Variants in FRMD4B observed in about 807,000 individuals in gnomAD.
The protein encoded by FRMD4B is FERM domain-containing protein 4B.
Under a neutral mutation model 141.5 loss-of-function variants are expected in FRMD4B, and 74 were observed. The observed-to-expected ratio is 0.52, with a 90% CI of 0.43 to 0.63. The LOEUF is 0.63. FRMD4B is among the 30% of genes least tolerant of loss of function. FRMD4B has a pLI of 0.00. For missense variants in FRMD4B, 1,366 were observed against 1,253.4 expected (o/e 1.09, Z -1.36); for synonymous variants, 506 against 467.9 (o/e 1.08, Z -1.05).
intron 1 of FRMD4B, among the ~76,000 whole-genome samples, chr3:69,461,623 C>CAAAAAAAAAAA (rs58143332): frequency 4.8e-4 from 21 of 43,438 alleles, no homozygotes; most frequent in East Asian, 9.0e-4. Flanking sequence ...GACTCTGTCT[C>CAAAAAAAAAAA]AAAAAAAAAA....
At chr3:69,475,842 T>C (rs562266902) in intron 1 of FRMD4B, among the ~76,000 whole-genome samples, 6 of 151,902 alleles carry the variant, frequency 3.9e-5, no homozygotes, top group African/African-American at 1.5e-4. Flanking sequence ...ACTGTTCCTA[T>C]TTCTCCACAT....
chr3:69,394,975 C>T (rs1308130540), intron 2 of FRMD4B, among the ~76,000 whole-genome samples: 1 of 152,002 alleles, frequency 6.6e-6, no homozygotes, highest in African/African-American at 2.4e-5. Context: ...ATGAGAACAC[C>T]TGGACACGGG....
intron 1 of FRMD4B, among the ~76,000 whole-genome samples, chr3:69,451,270 A>AAAAC (rs75378136): frequency 0.32 from 48,905 of 151,772 alleles, 8,087 homozygotes; most frequent in African/African-American, 0.38. Flanking sequence ...ATCCTGCACC[A>AAAAC]AAACAAACAA....
intron 5 of FRMD4B, among the ~76,000 whole-genome samples, chr3:69,258,652 A>G (rs922377230): frequency 8.5e-5 from 13 of 152,124 alleles, no homozygotes; most frequent in Admixed American, 3.3e-4. Flanking sequence ...TTACTTGCCT[A>G]TTTGAGAACC....
intron 9 of FRMD4B, 76 bp from the exon 10 acceptor site, chr3:69,218,455 ACAC>A: frequency 1.5e-6 from 1 of 662,542 alleles, no homozygotes; most frequent in Non-Finnish European, 2.7e-6. Flanking sequence ...ATTTAAAGAA[ACAC>A]CACGTTTCTA....
intron 21 of FRMD4B, among the ~76,000 whole-genome samples, chr3:69,177,883 G>A (rs890082821): frequency 2.0e-5 from 3 of 152,112 alleles, no homozygotes; most frequent in Admixed American, 6.6e-5. Context: ...GCAAGATCAA[G>A]GCTATTTTTT....
At chr3:69,417,171 G>A (rs1193150517) in intron 2 of FRMD4B, among the ~76,000 whole-genome samples, 1 of 152,230 alleles carries the variant, frequency 6.6e-6, no homozygotes, top group African/African-American at 2.4e-5. Flanking sequence ...CCCACCAACA[G>A]TGTAAAAGGG....
intron 1 of FRMD4B, among the ~76,000 whole-genome samples, chr3:69,480,944 C>T (rs1706111123): frequency 6.6e-6 from 1 of 152,214 alleles, no homozygotes; most frequent in Admixed American, 6.5e-5. Context: ...CTCTCTGCCG[C>T]CTTGCAGTTT....
Position 69,195,098 on chromosome 3 carries a change from C to T in FRMD4B, c.1412G>A (p.Gly471Asp). The T allele has an allele frequency of 1.2e-6, 2 of 1,613,916 alleles. No individual in the cohort carries two copies. Among genetic ancestry groups the T allele is most frequent in the African/African-American group, 1.3e-5 (1 of 75,050 alleles). ...KMPKEYPLNIGEKPPQVRRRV... is the reference protein window; with the variant it reads ...KMPKEYPLNIDEKPPQVRRRV... ...TCTTCTGACCTGAGGAGGCTTCTCG[C>T]CTATGTTCAGGGGATACTCCTTTGG... is the stretch of plus-strand genomic sequence containing the variant. The change falls in exon 16 of 23, where the codon GGC becomes GAC. Residue 471 changes from glycine to aspartate, a missense_variant. Coordinates refer to ENST00000398540, the MANE Select transcript of FRMD4B (RefSeq NM_015123.3).
At chr3:69,392,049 A>G (rs1490901326) in intron 2 of FRMD4B, among the ~76,000 whole-genome samples, 1 of 152,376 alleles carries the variant, frequency 6.6e-6, no homozygotes, top group East Asian at 1.9e-4. Flanking sequence ...TGAACTGACC[A>G]ATAAATGACT....
chr3:69,179,792 A>G (rs552028676), intron 21 of FRMD4B, among the ~76,000 whole-genome samples: 1 of 152,312 alleles, frequency 6.6e-6, no homozygotes, highest in African/African-American at 2.4e-5. Context: ...CTTAATTTTT[A>G]AACATTCCTC....
intron 1 of FRMD4B, chr3:69,536,652 G>A (rs1051540499): frequency 1.5e-5 from 15 of 981,440 alleles, no homozygotes; most frequent in Middle Eastern, 2.3e-4. Context: ...TGTGGAAGTC[G>A]AGGAGAGTGA....
chr3:69,288,401 A>G (rs1413668843), intron 4 of FRMD4B, among the ~76,000 whole-genome samples: 1 of 152,224 alleles, frequency 6.6e-6, no homozygotes, highest in East Asian at 1.9e-4. Context: ...CCTTTGGCTC[A>G]AAGCCAGGCT....
chr3:69,182,405 T>C (rs2092717459), intron 20 of FRMD4B, among the ~76,000 whole-genome samples, 193 bp downstream of exon 20: 1 of 152,204 alleles, frequency 6.6e-6, no homozygotes, highest in African/African-American at 2.4e-5. Context: ...AAATCTAATG[T>C]ATATTTGAAC....
chr3:69,444,238 A>C (rs1185292476), intron 1 of FRMD4B, among the ~76,000 whole-genome samples: 1 of 152,188 alleles, frequency 6.6e-6, no homozygotes, highest in Non-Finnish European at 1.5e-5. Context: ...TGCATTAATT[A>C]AACTCTTTGT....
intron 11 of FRMD4B, among the ~76,000 whole-genome samples, chr3:69,201,968 C>T (rs1285499683): frequency 6.6e-6 from 1 of 152,126 alleles, no homozygotes; most frequent in African/African-American, 2.4e-5. Flanking sequence ...CTTTGAGAGG[C>T]CGAGGCGGGT....
intron 1 of FRMD4B, chr3:69,535,638 TCTCCGCCCCTGC>T (rs1188042264): frequency 2.0e-5 from 4 of 201,490 alleles, no homozygotes; most frequent in Non-Finnish European, 4.1e-5. Flanking sequence ...TGGCTCGGTC[TCTCCGCCCCTGC>T]CTCCGGCCCT....
intron 1 of FRMD4B, among the ~76,000 whole-genome samples, chr3:69,504,347 A>AC: frequency 6.6e-6 from 1 of 152,148 alleles, no homozygotes; most frequent in East Asian, 1.9e-4. Flanking sequence ...CATAAAATTC[A>AC]CCCACTTAAA....
At chr3:69,469,976 T>C (rs1234791208) in intron 1 of FRMD4B, among the ~76,000 whole-genome samples, 1 of 152,198 alleles carries the variant, frequency 6.6e-6, no homozygotes, top group East Asian at 1.9e-4. Flanking sequence ...CACAGTTCTC[T>C]GTGGGACAGA....
Sources: gnomAD v4.1 joint callset for allele counts (sites outside exome capture counted in the v4.1 genomes callset) on GRCh38, gnomAD v4.1.1 for gene constraint, MANE v1.5 for transcripts, NCBI Gene and HGNC (gene_info 2026-07-23, HGNC 2026-07-21) for gene names.